Variants in WDR76 observed in about 807,000 individuals in gnomAD.
The protein encoded by WDR76 is WD repeat-containing protein 76.
A neutral mutation model predicts 70.2 loss-of-function variants in WDR76; 52 were observed. That is an observed-to-expected ratio of 0.74 (90% CI 0.59 to 0.93). WDR76 has a LOEUF of 0.93. Ranked by LOEUF, WDR76 falls within the 40% of genes least tolerant of loss-of-function variation. The probability of loss-of-function intolerance (pLI) is 0.00; values close to 1 mark genes in which losing one functional copy is unlikely to be tolerated. For missense variants in WDR76, 756 were observed against 760.2 expected (o/e 0.99, Z 0.07); for synonymous variants, 292 against 271.1 (o/e 1.08, Z -0.76).
At chr15:43,852,981 C>T (rs567577453) in intron 9 of WDR76, among the ~76,000 whole-genome samples, 2 of 152,132 alleles carry the variant, frequency 1.3e-5, no homozygotes, top group East Asian at 1.9e-4. Flanking sequence ...TTCCACCTCC[C>T]GGGTTCAAGC....
intron 9 of WDR76, among the ~76,000 whole-genome samples, chr15:43,854,260 A>G (rs2087900289): frequency 1.3e-5 from 2 of 152,210 alleles, no homozygotes; most frequent in Non-Finnish European, 2.9e-5. Context: ...TGTTCATACA[A>G]GCATTATTTG....
chr15:43,844,523 G>C (rs1340222183), intron 8 of WDR76, among the ~76,000 whole-genome samples: 1 of 149,276 alleles, frequency 6.7e-6, no homozygotes, highest in Non-Finnish European at 1.5e-5. Context: ...AGGAGGCTGA[G>C]GCAGGAGAAT....
intron 5 of WDR76, among the ~76,000 whole-genome samples, chr15:43,840,917 A>G (rs1340993688): frequency 2.0e-5 from 3 of 149,850 alleles, no homozygotes; most frequent in Non-Finnish European, 4.5e-5. Flanking sequence ...TAATTTAAAA[A>G]TATATATATA....
intron 8 of WDR76, among the ~76,000 whole-genome samples, chr15:43,848,861 C>T (rs1567188378): frequency 6.6e-6 from 1 of 151,890 alleles, no homozygotes; most frequent in African/African-American, 2.4e-5. Flanking sequence ...TTGCTTGAAC[C>T]CGGGAGGCAG....
chr15:43,829,604 T>C (rs1488211988), intron 2 of WDR76, among the ~76,000 whole-genome samples: 1 of 148,032 alleles, frequency 6.8e-6, no homozygotes, highest in African/African-American at 2.5e-5. Context: ...CCTCCCGGGT[T>C]CACACCATTC....
chr15:43,853,495 C>A (rs1306180960), intron 9 of WDR76, among the ~76,000 whole-genome samples: 1 of 152,080 alleles, frequency 6.6e-6, no homozygotes. Flanking sequence ...CTGGCTGTAA[C>A]TTACATTTCA....
At position 43,835,097 on chromosome 15, in the gene WDR76, C is replaced by T; in HGVS notation, c.499C>T (p.Leu167=). 1 of 1,614,128 alleles carries T rather than the reference C, an allele frequency of 6.2e-7. No homozygotes were observed. The highest frequency in any genetic ancestry group is 1.3e-5 in the African/African-American group (1 of 75,032). The change falls in exon 3 of 13, where the codon CTG becomes TTG. Residue 167 remains leucine, a synonymous_variant. Transcript: ENST00000263795. Reference sequence around the variant, plus strand: ...ATTGTCACCCTACGAAAGGAAGAGACTGAAGAACATATCAGAAAACGCAGA... The same window carrying T: ...ATTGTCACCCTACGAAAGGAAGAGATTGAAGAACATATCAGAAAACGCAGA... ...SGLSPYERKR[L]KNISENADFF...
At chr15:43,845,301 GT>G in intron 8 of WDR76, among the ~76,000 whole-genome samples, 1 of 150,208 alleles carries the variant, frequency 6.7e-6, no homozygotes, top group Non-Finnish European at 1.5e-5. Context: ...TGGTCTGAAT[GT>G]TTTTGTCTTC....
chr15:43,851,160 C>G lies in WDR76; in HGVS notation c.1106C>G (p.Ser369Ter). The G allele has an allele frequency of 6.2e-7, 1 of 1,614,178 alleles. No homozygotes were observed. Among genetic ancestry groups the G allele is most frequent in the Non-Finnish European group, 8.5e-7 (1 of 1,180,030 alleles). The change falls in exon 9 of 13, where the codon TCA (serine) becomes TGA (stop). Residue 369 changes from serine to a stop codon, truncating the protein, a stop_gained. Coordinates refer to ENST00000263795, the MANE Select transcript of WDR76 (RefSeq NM_024908.4). LOFTEE classifies it high-confidence loss of function. ...HSQPVSCLYFSPANPAHILSL... is the reference protein window; with the variant it reads ...HSQPVSCLYF ...CAGCCAGTTAGCTGTCTTTACTTCT[C>G]ACCCGCCAATCCGGCCCACATACTG...
At chr15:43,830,440 T>G (rs1282736256) in intron 2 of WDR76, among the ~76,000 whole-genome samples, 2 of 151,584 alleles carry the variant, frequency 1.3e-5, no homozygotes. Context: ...CACAGGCCTG[T>G]AATCCCAGCT....
chr15:43,848,070 AAAAC>A (rs368793375), intron 8 of WDR76, among the ~76,000 whole-genome samples: 100 of 147,018 alleles, frequency 6.8e-4, no homozygotes, highest in African/African-American at 2.1e-3. Flanking sequence ...TCTCTTAAAA[AAAAC>A]AAACAAACAA....
At chr15:43,830,390 C>T (rs1327250165) in intron 2 of WDR76, among the ~76,000 whole-genome samples, 1 of 151,774 alleles carries the variant, frequency 6.6e-6, no homozygotes, top group Non-Finnish European at 1.5e-5. Flanking sequence ...TGGAGAAACC[C>T]CGTCTCTACC....
At chr15:43,851,332 G>A in intron 9 of WDR76, 87 bp downstream of exon 9, 1 of 1,528,628 alleles carries the variant, frequency 6.5e-7, no homozygotes, top group Non-Finnish European at 8.9e-7. Context: ...TACCAATTGG[G>A]AGAAGTGGTA....
rs1218534258 is a variant in WDR76, at chr15:43,836,179, G to T, written c.571G>T (p.Glu191Ter). 3.7e-6 allele frequency: 6 copies of T among 1,608,806 alleles called. No individual in the cohort carries two copies. Among genetic ancestry groups the T allele is most frequent in the Non-Finnish European group, 5.1e-6 (6 of 1,177,646 alleles). ...QLSESAARLR[E>*]MIEKRQPPKS... is the part of the protein sequence containing the mutation. ...TTTACAGTCTGCTGCAAGACTCCGT[G>T]AAATGATAGAGAAGAGACAGCCTCC... is the stretch of plus-strand genomic sequence containing the variant. Residue 191 changes from glutamate (E) to a stop codon, truncating the protein, a stop_gained, in exon 4 of 13, where the codon GAA becomes TAA. Transcript: ENST00000263795. LOFTEE classifies it high-confidence loss of function.
At position 43,858,829 on chromosome 15, in the gene WDR76, T is replaced by C; in HGVS notation, c.1562+6T>C. On this transcript the variant is annotated splice_donor_region_variant and intron_variant, in intron 11 of 12. Coordinates refer to ENST00000263795, the MANE Select transcript of WDR76 (RefSeq NM_024908.4). ...TGTGCTGATTGTAATCTGAGGTAAA[T>C]TGGGAAGGCAGAAATGTTTTTAGGG... 1 of 1,611,266 alleles carries C rather than the reference T, an allele frequency of 6.2e-7. No individual in the cohort carries two copies. Among genetic ancestry groups the C allele is most frequent in the Non-Finnish European group, 8.5e-7 (1 of 1,179,294 alleles).
intron 9 of WDR76, 40 bp downstream of exon 9, chr15:43,851,285 T>C: frequency 6.3e-7 from 1 of 1,595,756 alleles, no homozygotes; most frequent in Non-Finnish European, 8.6e-7. Context: ...TCAGATGATA[T>C]TCTAGATTCT....
chr15:43,852,446 A>C (rs1187430139), intron 9 of WDR76, among the ~76,000 whole-genome samples: 1 of 152,114 alleles, frequency 6.6e-6, no homozygotes, highest in African/African-American at 2.4e-5. Flanking sequence ...ATCTTGGCTC[A>C]CTGCAAGCTC....
intron 2 of WDR76, among the ~76,000 whole-genome samples, chr15:43,834,023 C>A (rs1261337152): frequency 6.6e-6 from 1 of 152,178 alleles, no homozygotes. Context: ...ACCTCTAAGA[C>A]TGAGTATTTT....
chr15:43,827,113 TC>T (rs760885851), intron 1 of WDR76, 21 bp downstream of exon 1: 1 of 1,597,380 alleles, frequency 6.3e-7, no homozygotes, highest in African/African-American at 1.5e-5. Flanking sequence ...GACTGGTGCT[TC>T]CAAGGTGTGC....
Sources: gnomAD v4.1 joint callset for allele counts (sites outside exome capture counted in the v4.1 genomes callset) on GRCh38, gnomAD v4.1.1 for gene constraint, MANE v1.5 for transcripts, NCBI Gene and HGNC (gene_info 2026-07-23, HGNC 2026-07-21) for gene names.